HS3ST4: variants seen among roughly 807,000 people sequenced by gnomAD.
The protein encoded by HS3ST4 is heparan sulfate-glucosamine 3-sulfotransferase 4, also known as heparan sulfate glucosamine 3-O-sulfotransferase 4.
In HS3ST4, 17 loss-of-function variants were observed where a neutral mutation model predicts 29.2. The ratio of observed to expected loss-of-function variants is 0.58; its 90% CI spans 0.40 to 0.87. The LOEUF (loss-of-function observed/expected upper bound fraction) is 0.87, where lower values mean the gene tolerates loss of function less well. HS3ST4 is among the 40% of genes least tolerant of loss of function. The pLI, the probability that HS3ST4 is intolerant of heterozygous loss-of-function variation, is 0.00. For synonymous variants in HS3ST4, 314 were observed against 285.7 expected (o/e 1.10, Z -1.00); for missense variants, 627 against 634.5 (o/e 0.99, Z 0.13).
chr16:25,768,695 G>T (rs962853935), intron 1 of HS3ST4, among the ~76,000 whole-genome samples: 4 of 152,132 alleles, frequency 2.6e-5, no homozygotes, highest in African/African-American at 9.7e-5. Flanking sequence ...AGTCACTGAG[G>T]TCCTCCCTGT....
intron 1 of HS3ST4, among the ~76,000 whole-genome samples, chr16:26,045,764 C>A (rs1898257869): frequency 6.6e-6 from 1 of 152,176 alleles, no homozygotes; most frequent in African/African-American, 2.4e-5. Flanking sequence ...TGTTTTCCTG[C>A]ACTTTTATAA....
At chr16:26,119,792 C>G (rs189086609) in intron 1 of HS3ST4, among the ~76,000 whole-genome samples, 31 of 152,236 alleles carry the variant, frequency 2.0e-4, no homozygotes, top group African/African-American at 7.5e-4. Flanking sequence ...AGCACACAAA[C>G]TATAGAAAAG....
intron 1 of HS3ST4, among the ~76,000 whole-genome samples, chr16:26,133,298 T>G (rs1899443698): frequency 1.3e-5 from 2 of 152,234 alleles, no homozygotes; most frequent in Admixed American, 1.3e-4. Flanking sequence ...GCATGGCCTT[T>G]TATTAACCCT....
intron 1 of HS3ST4, among the ~76,000 whole-genome samples, chr16:26,004,984 G>GT: frequency 6.6e-6 from 1 of 152,040 alleles, no homozygotes; most frequent in South Asian, 2.1e-4. Flanking sequence ...TGTACTTGTT[G>GT]TTTTTTTAAT....
intron 1 of HS3ST4, among the ~76,000 whole-genome samples, chr16:26,004,877 G>A (rs1969243220): frequency 6.6e-6 from 1 of 152,072 alleles, no homozygotes; most frequent in Non-Finnish European, 1.5e-5. Context: ...GCCTGAACTG[G>A]GAAGATATTT....
chr16:26,056,200 C>T lies in HS3ST4; in HGVS notation c.735-79412C>T, dbSNP rs778599966. Among the ~76,000 whole-genome samples, 8 of 152,168 alleles carry T rather than the reference C, an allele frequency of 5.3e-5. No individual in the cohort carries two copies. In the East Asian group the frequency reaches 5.8e-4, roughly 11 times the overall value. On this transcript the variant is annotated intron_variant, in intron 1 of 1. Coordinates refer to ENST00000331351, the MANE Select transcript of HS3ST4 (RefSeq NM_006040.3). ...GCAAGGGCTAAACATCTGTTTCTCACGAATCCTTGTCAATTTCTATCAAGG... is the reference window on the plus strand; with the variant it reads ...GCAAGGGCTAAACATCTGTTTCTCATGAATCCTTGTCAATTTCTATCAAGG...
chr16:25,923,489 T>C (rs1968374519), intron 1 of HS3ST4, among the ~76,000 whole-genome samples: 1 of 152,208 alleles, frequency 6.6e-6, no homozygotes, highest in Non-Finnish European at 1.5e-5. Flanking sequence ...GGAGGAAATT[T>C]TGGCAGAATA....
At chr16:25,869,143 C>G (rs998085590) in intron 1 of HS3ST4, among the ~76,000 whole-genome samples, 1 of 152,124 alleles carries the variant, frequency 6.6e-6, no homozygotes, top group Non-Finnish European at 1.5e-5. Context: ...AGGCAGCCAT[C>G]TGCTACTCGG....
chr16:25,695,719 A>G (rs551272562), intron 1 of HS3ST4, among the ~76,000 whole-genome samples: 170 of 152,316 alleles, frequency 1.1e-3, no homozygotes, highest in Non-Finnish European at 1.9e-3. Flanking sequence ...CTGTACCTAA[A>G]CAGTATAGTT....
chr16:25,743,216 T>C (rs1966666071), intron 1 of HS3ST4, among the ~76,000 whole-genome samples: 1 of 152,186 alleles, frequency 6.6e-6, no homozygotes, highest in Non-Finnish European at 1.5e-5. Context: ...CACTGGAATC[T>C]TGGCTGTGCA....
chr16:26,041,060 A>G (rs1036774873), intron 1 of HS3ST4, among the ~76,000 whole-genome samples: 6 of 152,210 alleles, frequency 3.9e-5, no homozygotes, highest in African/African-American at 1.2e-4. Flanking sequence ...TAAACAGGCT[A>G]GGCATGGTGA....
At chr16:26,006,348 TG>T (rs1969258590) in intron 1 of HS3ST4, among the ~76,000 whole-genome samples, 1 of 151,234 alleles carries the variant, frequency 6.6e-6, no homozygotes, top group Non-Finnish European at 1.5e-5. Context: ...CAGTTTTGTT[TG>T]GTGTTTGCAG....
At chr16:26,046,584 A>G (rs1347066839) in intron 1 of HS3ST4, among the ~76,000 whole-genome samples, 5 of 152,130 alleles carry the variant, frequency 3.3e-5, no homozygotes, top group Non-Finnish European at 5.9e-5. Flanking sequence ...TTCTTATGTC[A>G]GTGATATTCA....
At chr16:25,719,706 A>C (rs1966480262) in intron 1 of HS3ST4, among the ~76,000 whole-genome samples, 1 of 152,250 alleles carries the variant, frequency 6.6e-6, no homozygotes, top group African/African-American at 2.4e-5. Flanking sequence ...AGTAGCAAAA[A>C]GACTTTTTCT....
rs1966304784 is a variant in HS3ST4 at position 25,697,330 on chromosome 16, C to T, written c.734+4179C>T. 2.0e-5 allele frequency among the ~76,000 whole-genome samples: 3 copies of T among 152,218 alleles called. No homozygotes were observed. In the South Asian group the frequency reaches 6.2e-4, roughly 32 times the overall value. On this transcript the variant is annotated intron_variant, in intron 1 of 1. Coordinates refer to ENST00000331351, the MANE Select transcript of HS3ST4 (RefSeq NM_006040.3). ...AAATAAAGTAATGGATGGCCCAGAG[C>T]TGTTTTGTCTAGTATGGTAGCTACT...
intron 1 of HS3ST4, among the ~76,000 whole-genome samples, chr16:25,818,332 T>A (rs1265299237): frequency 6.6e-6 from 1 of 152,148 alleles, no homozygotes; most frequent in African/African-American, 2.4e-5. Flanking sequence ...TTCCATCAAG[T>A]GAGCACACAG....
chr16:25,785,594 C>G (rs1271368179), intron 1 of HS3ST4, among the ~76,000 whole-genome samples: 1 of 152,166 alleles, frequency 6.6e-6, no homozygotes, highest in African/African-American at 2.4e-5. Context: ...GGCATGATCT[C>G]AGCCATCCCT....
rs117404282 is a variant in HS3ST4, at chr16:26,059,308, C to G, written c.735-76304C>G. 4.7e-3 allele frequency among the ~76,000 whole-genome samples: 719 copies of G among 152,182 alleles called. 1 individual carries two copies. The highest frequency in any genetic ancestry group is 8.2e-3 in the Non-Finnish European group (559 of 68,010). On this transcript the variant is annotated intron_variant, in intron 1 of 1. Transcript: ENST00000331351. ...CCCCCTCTCTCTCTTCTTCCCTCCC[C>G]TCCTCTCTCCTTGCCTCTCTCTCTT...
At chr16:25,950,626 G>A (rs1481935509) in intron 1 of HS3ST4, among the ~76,000 whole-genome samples, 4 of 151,908 alleles carry the variant, frequency 2.6e-5, no homozygotes, top group African/African-American at 9.7e-5. Flanking sequence ...ACCTGAGACA[G>A]TAGCTGTTGC....
Sources: allele counts gnomAD v4.1 joint callset (sites outside exome capture counted in the v4.1 genomes callset), GRCh38; gene constraint gnomAD v4.1.1; transcripts MANE v1.5; gene names NCBI Gene and HGNC (gene_info 2026-07-23, HGNC 2026-07-21).